Variants in FAM8A1 observed in about 807,000 individuals in gnomAD.
FAM8A1 encodes family with sequence similarity 8 member A1.
In FAM8A1, 18 loss-of-function variants were observed where a neutral mutation model predicts 38.3. That is an observed-to-expected ratio of 0.47 (90% CI 0.33 to 0.70). The LOEUF (loss-of-function observed/expected upper bound fraction) is 0.70. Ranked by LOEUF, FAM8A1 falls within the 30% of genes least tolerant of loss-of-function variation. FAM8A1 has a pLI of 0.03. For missense variants in FAM8A1, 559 were observed against 559.6 expected (o/e 1.00, Z 0.01); for synonymous variants, 246 against 234.4 (o/e 1.05, Z -0.45).
At chr6:17,603,258 G>C (rs1327846378) in intron 2 of FAM8A1, among the ~76,000 whole-genome samples, 1 of 152,140 alleles carries the variant, frequency 6.6e-6, no homozygotes, top group African/African-American at 2.4e-5. Context: ...GCCATGTATT[G>C]AGCTTGCTCA....
rs766562774 is a variant in FAM8A1 at position 17,600,868 on chromosome 6, G to T, written c.459G>T (p.Ser153=). ...SPQPSPQSFP[S]GGAAVPQAAA... ...AGCCCTCCCCGCAGAGCTTCCCTTC[G>T]GGCGGCGCTGCAGTCCCCCAGGCCG... The change falls in exon 1 of 5, where the codon TCG becomes TCT. Residue 153 remains serine, a synonymous_variant. Coordinates refer to ENST00000259963, the MANE Select transcript of FAM8A1 (RefSeq NM_016255.3). 3.7e-6 allele frequency: 6 copies of T among 1,607,044 alleles called. No individual in the cohort carries two copies. The highest frequency in any genetic ancestry group is 5.1e-6 in the Non-Finnish European group (6 of 1,178,818).
chr6:17,601,042 G>T lies in FAM8A1; in HGVS notation c.633G>T (p.Ala211=), dbSNP rs879257652. 8 of 1,592,900 alleles carry T rather than the reference G, an allele frequency of 5.0e-6. No individual in the cohort carries two copies. The highest frequency in any genetic ancestry group is 6.8e-6 in the Non-Finnish European group (8 of 1,172,586). Residue 211 remains alanine, a synonymous_variant, in exon 1 of 5, where the codon GCG becomes GCT. Coordinates refer to ENST00000259963, the MANE Select transcript of FAM8A1 (RefSeq NM_016255.3). ...GLGPRAPHVQ[A]SVRATPVTRV... ...GACCCCGGGCTCCTCACGTGCAGGCGTCGGTCCGGGCCACTCCAGTGACGA... is the reference window on the plus strand; with the variant it reads ...GACCCCGGGCTCCTCACGTGCAGGCTTCGGTCCGGGCCACTCCAGTGACGA...
intron 2 of FAM8A1, among the ~76,000 whole-genome samples, chr6:17,604,296 G>A (rs1197603503): frequency 2.0e-5 from 3 of 152,098 alleles, no homozygotes; most frequent in Non-Finnish European, 4.4e-5. Context: ...AACCTCCCAA[G>A]TAGGTGGGAC....
rs1333963251 is a variant in FAM8A1 at position 17,607,269 on chromosome 6, A to G, written c.1098-926A>G. ...GCAAGACTCCATCTCAAAAAAAAAA[A>G]AAAACAAAACAAAACTGGTAGTTAT... On this transcript the variant is annotated intron_variant, in intron 4 of 4. Coordinates refer to ENST00000259963, the MANE Select transcript of FAM8A1 (RefSeq NM_016255.3). Among the ~76,000 whole-genome samples, 2 of 148,536 alleles carry G rather than the reference A, an allele frequency of 1.3e-5. 1 individual carries two copies. Among genetic ancestry groups the G allele is most frequent in the South Asian group, 4.2e-4 (2 of 4,758 alleles).
rs1763979483 is a variant in FAM8A1 at position 17,601,083 on chromosome 6, C to A, written c.674C>A (p.Ala225Asp). 6.3e-7 allele frequency: 1 copy of A among 1,598,998 alleles called. No individual in the cohort carries two copies. The highest frequency in any genetic ancestry group is 1.1e-5 in the South Asian group (1 of 88,756). ...CCAGTGACGAGGGTAGGATCCGCAG[C>A]CCCTTCGCGAAGCCCGAGCGAGACC... The part of the protein sequence containing the change: ...ATPVTRVGSA[A>D]PSRSPSETGR... Residue 225 changes from alanine (A) to aspartate (D), a missense_variant, in exon 1 of 5, where the codon GCC (alanine) becomes GAC (aspartate). Ala to Asp is a moderately radical substitution (Grantham distance 126). Around this residue, in one of 2 missense-constraint regions of FAM8A1, gnomAD observed 393 missense variants for 338.9 expected, o/e 1.16. Transcript: ENST00000259963.
chr6:17,602,520 A>G (rs1763998535), intron 1 of FAM8A1, 70 bp from the exon 2 acceptor site: 3 of 1,431,720 alleles, frequency 2.1e-6, no homozygotes, highest in African/African-American at 1.5e-5. Flanking sequence ...AATTCATTAC[A>G]TGGCTTGTGT....
In FAM8A1 at chr6:17,600,584, G is replaced by C. The variant is rs2113743211; in HGVS notation, c.175G>C (p.Ala59Pro). Residue 59 changes from alanine (A) to proline (P), a missense_variant, in exon 1 of 5, where the codon GCG becomes CCG. Transcript: ENST00000259963. Reference sequence around the variant, plus strand: ...GGGCCGGCCCACAGCCCCGGGCCTCGCGGCTGCCGCCGCAGCCGACAAATT... The same window carrying C: ...GGGCCGGCCCACAGCCCCGGGCCTCCCGGCTGCCGCCGCAGCCGACAAATT... Reference protein sequence around the residue: ...APGRPTAPGLAAAAAADKLEP... With the variant: ...APGRPTAPGLPAAAAADKLEP... 5 of 1,490,534 alleles carry C rather than the reference G, an allele frequency of 3.4e-6. No homozygotes were observed. The highest frequency in any genetic ancestry group is 3.6e-6 in the Non-Finnish European group (4 of 1,125,116). The allele number at this position is 1,490,534 out of a possible 1,614,324, so 92.3% of individuals were successfully genotyped here.
rs898013646 is a variant in FAM8A1, at chr6:17,601,175, T to TG, written c.712+58dup. ...GAGTAGAAGGGTTTTCGGGGGCCTG[T>TG]GGGGTAGAGCTGGCACGCTTTTTAG... On this transcript the variant is annotated intron_variant, in intron 1 of 4. Transcript: ENST00000259963. The TG allele has an allele frequency of 5.2e-6, 8 of 1,539,210 alleles. No individual in the cohort carries two copies. The African/African-American group carries it at 9.5e-5, about 18-fold the overall frequency.
At chr6:17,602,180 G>A (rs1763994025) in intron 1 of FAM8A1, among the ~76,000 whole-genome samples, 1 of 152,198 alleles carries the variant, frequency 6.6e-6, no homozygotes, top group Admixed American at 6.5e-5. Context: ...AAAGGCATGC[G>A]CCACCACGCC....
intron 2 of FAM8A1, among the ~76,000 whole-genome samples, chr6:17,602,994 C>A (rs931588371): frequency 5.9e-5 from 9 of 152,204 alleles, no homozygotes; most frequent in South Asian, 2.1e-4. Flanking sequence ...TTCACCTATT[C>A]TTTTAGGCCA....
chr6:17,608,537 A>G lies in FAM8A1; in HGVS notation c.*198A>G, dbSNP rs754636537. 1.3e-4 allele frequency: 61 copies of G among 470,296 alleles called. No homozygotes were observed. Among genetic ancestry groups the G allele is most frequent in the Non-Finnish European group, 1.9e-4 (55 of 289,148 alleles). 29.1% of individuals were successfully genotyped at this position (470,296 alleles called of 1,614,324 possible). On this transcript the variant is annotated 3_prime_UTR_variant, in exon 5 of 5. Transcript: ENST00000259963. Reference sequence around the variant, plus strand: ...GAAGAAAAACCTGTTAAATTCAAGTATTAAAATTTTTAGATCAAAAAGGCA... The same window carrying G: ...GAAGAAAAACCTGTTAAATTCAAGTGTTAAAATTTTTAGATCAAAAAGGCA...
chr6:17,606,737 CT>C (rs1216135855), intron 4 of FAM8A1, among the ~76,000 whole-genome samples: 1 of 152,100 alleles, frequency 6.6e-6, no homozygotes, highest in African/African-American at 2.4e-5. Context: ...TAGGTGAGAG[CT>C]TGTAATACTG....
intron 3 of FAM8A1, 51 bp downstream of exon 3, chr6:17,605,080 T>G: frequency 6.5e-7 from 1 of 1,527,562 alleles, no homozygotes; most frequent in Non-Finnish European, 8.9e-7. Context: ...TAATTTTATG[T>G]TTTTACATTT....
At chr6:17,603,380 C>G (rs183001028) in intron 2 of FAM8A1, among the ~76,000 whole-genome samples, 16 of 152,212 alleles carry the variant, frequency 1.1e-4, no homozygotes, top group Admixed American at 3.9e-4. Context: ...AGCACAGAAC[C>G]TAAAATGTTA....
rs374944606 is a variant in FAM8A1 at position 17,600,955 on chromosome 6, C to G, written c.546C>G (p.Ala182=). ...CCTTCTACTTCCTGAGCCCCGGGGC[C>G]GCGGGGCCTGACCCGCGGACAGCTG... ...YNPFYFLSPG[A]AGPDPRTAAG... Residue 182 remains alanine, a synonymous_variant, in exon 1 of 5, where the codon GCC becomes GCG. Coordinates refer to ENST00000259963, the MANE Select transcript of FAM8A1 (RefSeq NM_016255.3). 6.9e-6 allele frequency: 11 copies of G among 1,592,854 alleles called. No homozygotes were observed. The highest frequency in any genetic ancestry group is 9.4e-6 in the Non-Finnish European group (11 of 1,171,978).
At chr6:17,605,674 A>G (rs1382516578) in intron 3 of FAM8A1, among the ~76,000 whole-genome samples, 200 bp from the exon 4 acceptor site, 1 of 152,230 alleles carries the variant, frequency 6.6e-6, no homozygotes, top group Non-Finnish European at 1.5e-5. Context: ...GAGAAATATT[A>G]CAGGAGACAG....
In FAM8A1 at chr6:17,600,983, G is replaced by T; in HGVS notation, c.574G>T (p.Gly192Cys). ...AAGPDPRTAA[G>C]ISTPAPVAGL... ...GGGGCCTGACCCGCGGACAGCTGCC[G>T]GCATCAGCACCCCTGCTCCAGTCGC... is the stretch of plus-strand genomic sequence containing the variant. Residue 192 changes from glycine (G) to cysteine (C), a missense_variant, in exon 1 of 5, where the codon GGC (glycine) becomes TGC (cysteine). Transcript: ENST00000259963. 6.3e-7 allele frequency: 1 copy of T among 1,593,134 alleles called. No individual in the cohort carries two copies. Among genetic ancestry groups the T allele is most frequent in the Non-Finnish European group, 8.5e-7 (1 of 1,171,634 alleles).
rs1239332635 is a variant in FAM8A1, at chr6:17,610,233, C to A, written c.*1894C>A. ...TCATATAGGTCTGGAATACATCTTT[C>A]ATTCATAATTTCTGCTCAGATAATT... On this transcript the variant is annotated 3_prime_UTR_variant, in exon 5 of 5. Transcript: ENST00000259963. 6.6e-6 allele frequency: 1 copy of A among 152,086 alleles called. No homozygotes were observed. Among genetic ancestry groups the A allele is most frequent in the East Asian group, 1.9e-4 (1 of 5,196 alleles). The allele number at this position is 152,086 out of a possible 1,614,324, so 9.4% of individuals were successfully genotyped here.
In FAM8A1 at chr6:17,609,712, T is replaced by C. The variant is rs1356479883; in HGVS notation, c.*1373T>C. 2 of 152,224 alleles carry C rather than the reference T, an allele frequency of 1.3e-5. No individual in the cohort carries two copies. The highest frequency in any genetic ancestry group is 6.5e-5 in the Admixed American group (1 of 15,282). 9.4% of individuals were successfully genotyped at this position (152,224 alleles called of 1,614,324 possible). A position where few individuals can be genotyped will look rare whatever the true frequency, so the allele number is the denominator to read the frequency against. The stretch of plus-strand genomic sequence containing the variant: ...TAGGTATTTTCTCCAGCTCTGACAT[T>C]GTTTTCCAAAGACACACTAAACTGC... On this transcript the variant is annotated 3_prime_UTR_variant, in exon 5 of 5. Transcript: ENST00000259963.
Sources: gnomAD v4.1 joint callset for allele counts (sites outside exome capture counted in the v4.1 genomes callset) on GRCh38, gnomAD v4.1.1 for gene constraint, gnomAD v4.1.1 regional missense constraint, MANE v1.5 for transcripts, NCBI Gene and HGNC (gene_info 2026-07-23, HGNC 2026-07-21) for gene names.